Variants in CNTN1 observed in about 807,000 individuals in gnomAD.
The protein encoded by CNTN1 is contactin-1.
In CNTN1, 38 loss-of-function variants were observed where a neutral mutation model predicts 126.4. That is an observed-to-expected ratio of 0.30 (90% CI 0.23 to 0.39). CNTN1 has a LOEUF of 0.39. Among genes scored for constraint, CNTN1 ranks in the 10% least tolerant of loss-of-function variants. CNTN1 has a pLI of 1.00. For synonymous variants in CNTN1, 413 were observed against 422.6 expected, an observed-to-expected ratio of 0.98 and a Z score of 0.28; for missense variants, 1,009 against 1,248.4, an observed-to-expected ratio of 0.81 and a Z score of 2.89.
chr12:41,015,336 T>C (rs1348092063), intron 18 of CNTN1, among the ~76,000 whole-genome samples: 1 of 152,166 alleles, frequency 6.6e-6, no homozygotes, highest in Non-Finnish European at 1.5e-5. Flanking sequence ...TGTGGATATC[T>C]GCTACAGAAT....
At chr12:40,794,112 A>T (rs1274265253) in intron 1 of CNTN1, among the ~76,000 whole-genome samples, 1 of 152,040 alleles carries the variant, frequency 6.6e-6, no homozygotes, top group Non-Finnish European at 1.5e-5. Context: ...TAATAACCCT[A>T]TCATTGTACA....
intron 15 of CNTN1, among the ~76,000 whole-genome samples, chr12:40,969,739 AGCCAACACCTTC>A (rs1366200759): frequency 6.6e-6 from 1 of 152,200 alleles, no homozygotes; most frequent in Non-Finnish European, 1.5e-5. Flanking sequence ...ACCCCTGAAG[AGCCAACACCTTC>A]ACCTAAAAGT....
At chr12:41,043,784 T>C (rs536162517) in intron 23 of CNTN1, among the ~76,000 whole-genome samples, 1 of 150,770 alleles carries the variant, frequency 6.6e-6, no homozygotes, top group Non-Finnish European at 1.5e-5. Flanking sequence ...ATTAAGAAAA[T>C]GTGGCACATA....
chr12:40,821,778 A>G (rs79930596), intron 1 of CNTN1, among the ~76,000 whole-genome samples: 3,311 of 151,970 alleles, frequency 0.022, 122 homozygotes, highest in African/African-American at 0.075. Context: ...ATGATTGGAG[A>G]GATGCTTCAA....
chr12:40,787,799 T>C (rs1379149402), intron 1 of CNTN1, among the ~76,000 whole-genome samples: 1 of 152,186 alleles, frequency 6.6e-6, no homozygotes, highest in African/African-American at 2.4e-5. Context: ...TCTAGATGAA[T>C]TTCATTGTGT....
At chr12:40,905,815 G>A (rs1330257454) in intron 1 of CNTN1, among the ~76,000 whole-genome samples, 1 of 152,174 alleles carries the variant, frequency 6.6e-6, no homozygotes, top group African/African-American at 2.4e-5. Context: ...GACAAAAAAA[G>A]TGATCAAATT....
At chr12:40,908,325 T>G in intron 1 of CNTN1, 32 bp from the exon 2 acceptor site, 1 of 793,150 alleles carries the variant, frequency 1.3e-6, no homozygotes, top group Non-Finnish European at 2.1e-6. Context: ...CTTCTAATTC[T>G]TTCCTTCTTC....
intron 15 of CNTN1, among the ~76,000 whole-genome samples, chr12:40,961,898 A>T (rs1472943331): frequency 6.6e-6 from 1 of 152,094 alleles, no homozygotes; most frequent in Admixed American, 6.6e-5. Context: ...AAAATATTAA[A>T]TATGTTATGT....
rs909993756 is a variant in CNTN1 at position 40,945,137 on chromosome 12, C to A, written c.1683+967C>A. Among the ~76,000 whole-genome samples the A allele has an allele frequency of 2.6e-5, 4 of 151,958 alleles. No individual in the cohort carries two copies. The East Asian group carries it at 7.7e-4, about 29-fold the overall frequency. On this transcript the variant is annotated intron_variant, in intron 14 of 23. Transcript: ENST00000551295. ...CAACTGTACACCTCTAGTAAACATACCAATACTCTTTCAGTTTCTGAACCA... is the reference window on the plus strand; with the variant it reads ...CAACTGTACACCTCTAGTAAACATAACAATACTCTTTCAGTTTCTGAACCA...
intron 23 of CNTN1, among the ~76,000 whole-genome samples, chr12:41,055,650 G>T (rs1257718016): frequency 1.3e-5 from 2 of 152,084 alleles, no homozygotes. Context: ...TGGAGGTTTG[G>T]CAGTTAAGTT....
intron 1 of CNTN1, among the ~76,000 whole-genome samples, chr12:40,813,603 A>G (rs976210998): frequency 6.6e-6 from 1 of 152,162 alleles, no homozygotes; most frequent in African/African-American, 2.4e-5. Context: ...ATTGGTGGGC[A>G]TTTGGGTGGG....
At chr12:40,883,446 T>A (rs1007648648) in intron 1 of CNTN1, among the ~76,000 whole-genome samples, 16 of 151,650 alleles carry the variant, frequency 1.1e-4, no homozygotes, top group Non-Finnish European at 1.9e-4. Context: ...AAGAAAATTC[T>A]AGTGATTTTT....
intron 17 of CNTN1, among the ~76,000 whole-genome samples, chr12:41,000,946 C>A (rs553148442): frequency 1.3e-5 from 2 of 152,312 alleles, no homozygotes; most frequent in African/African-American, 4.8e-5. Context: ...ATCCATGTCC[C>A]TGCAAAGTAC....
intron 1 of CNTN1, among the ~76,000 whole-genome samples, chr12:40,753,546 CAAGCAAGAGGG>C (rs907278275): frequency 3.3e-4 from 50 of 152,124 alleles, no homozygotes; most frequent in African/African-American, 1.2e-3. Flanking sequence ...GAAGAAGTGC[CAAGCAAGAGGG>C]GAAAAGCCCC....
intron 1 of CNTN1, among the ~76,000 whole-genome samples, chr12:40,894,555 T>C (rs1944343250): frequency 6.6e-6 from 1 of 152,296 alleles, no homozygotes; most frequent in South Asian, 2.1e-4. Context: ...GAAAATAACA[T>C]ATAAAATATG....
chr12:41,007,998 T>C (rs965001373), intron 17 of CNTN1, among the ~76,000 whole-genome samples: 2 of 152,216 alleles, frequency 1.3e-5, no homozygotes, highest in African/African-American at 4.8e-5. Context: ...GCCTAAGTGA[T>C]TTCTTAACTT....
At chr12:40,808,832 C>T (rs1049470312) in intron 1 of CNTN1, among the ~76,000 whole-genome samples, 5 of 152,004 alleles carry the variant, frequency 3.3e-5, no homozygotes, top group Admixed American at 1.3e-4. Context: ...AACAAATAAA[C>T]AAACAAACAA....
At chr12:40,742,092 C>A (rs576966484) in intron 1 of CNTN1, among the ~76,000 whole-genome samples, 4 of 151,888 alleles carry the variant, frequency 2.6e-5, no homozygotes, top group Non-Finnish European at 2.9e-5. Context: ...ACAAACTGAC[C>A]CAATAATATC....
At chr12:40,875,277 A>T (rs1943630940) in intron 1 of CNTN1, among the ~76,000 whole-genome samples, 1 of 152,092 alleles carries the variant, frequency 6.6e-6, no homozygotes, top group African/African-American at 2.4e-5. Flanking sequence ...TGCCCCAGGG[A>T]TACCATCTTG....
Sources: allele counts gnomAD v4.1 joint callset (sites outside exome capture counted in the v4.1 genomes callset), GRCh38; gene constraint gnomAD v4.1.1; transcripts MANE v1.5; gene names NCBI Gene and HGNC (gene_info 2026-07-23, HGNC 2026-07-21).